Variants in DNAI4 observed in about 807,000 individuals in gnomAD.
DNAI4 encodes dynein axonemal intermediate chain 4, also known as WD repeat domain 78.
Under a neutral mutation model 105.8 loss-of-function variants are expected in DNAI4, and 85 were observed. That is an observed-to-expected ratio of 0.80 (90% confidence interval 0.67 to 0.96). The LOEUF is 0.96. Among genes scored for constraint, DNAI4 ranks in the 40% least tolerant of loss-of-function variants. DNAI4 has a pLI of 0.00. For missense variants in DNAI4, 1,014 were observed against 1,005.6 expected (o/e 1.01, Z -0.11); for synonymous variants, 352 against 331.5 (o/e 1.06, Z -0.67).
At chr1:66,845,217 T>TAAAAAAA (rs869249698) in intron 8 of DNAI4, among the ~76,000 whole-genome samples, 3 of 38,106 alleles carry the variant, frequency 7.9e-5, no homozygotes, top group East Asian at 5.7e-4. Context: ...AAAGAAAAAT[T>TAAAAAAA]AAAAAAAAAA....
chr1:66,866,416 T>A (rs1646735756), intron 6 of DNAI4, among the ~76,000 whole-genome samples: 1 of 152,192 alleles, frequency 6.6e-6, no homozygotes, highest in Non-Finnish European at 1.5e-5. Flanking sequence ...GATTGTATAA[T>A]GTTAGCAAGC....
intron 6 of DNAI4, among the ~76,000 whole-genome samples, chr1:66,866,987 A>T (rs894153550): frequency 6.6e-6 from 1 of 152,068 alleles, no homozygotes; most frequent in Non-Finnish European, 1.5e-5. Context: ...GCGAAGGGGG[A>T]AGCCCCTTAT....
chr1:66,916,083 TAAA>T (rs34693536), intron 1 of DNAI4, among the ~76,000 whole-genome samples: 2 of 117,494 alleles, frequency 1.7e-5, no homozygotes, highest in Admixed American at 8.8e-5. Flanking sequence ...AGACTCTGTC[TAAA>T]AAAAAAAAAA....
intron 5 of DNAI4, 126 bp downstream of exon 5, chr1:66,874,655 G>T: frequency 1.3e-6 from 1 of 771,898 alleles, no homozygotes; most frequent in Non-Finnish European, 2.0e-6. Flanking sequence ...GGAATATACA[G>T]TCTCCCCCCA....
rs1557909168 is a variant in DNAI4 at position 66,836,312 on chromosome 1, GAAAGAAAGAAA to G, written c.1582-546_1582-536del. 8.8e-3 allele frequency among the ~76,000 whole-genome samples: 1,290 copies of G among 147,032 alleles called. 7 individuals are homozygous for G. The highest frequency in any genetic ancestry group is 0.014 in the Middle Eastern group (4 of 292). ...AGAAAGAAAGAAAGAAAGAAAGAAA[GAAAGAAAGAAA>G]GAAGGAAAGAGGGAAGGAAGGGAGG... On this transcript the variant is annotated intron_variant, in intron 10 of 16. Transcript: ENST00000371026.
In DNAI4 at chr1:66,814,066, A is replaced by T; in HGVS notation, c.*64T>A. The T allele has an allele frequency of 7.4e-7, 1 of 1,356,262 alleles. No individual in the cohort carries two copies. Among genetic ancestry groups the T allele is most frequent in the South Asian group, 1.3e-5 (1 of 77,844 alleles). The allele number at this position is 1,356,262 out of a possible 1,614,324, so 84.0% of individuals were successfully genotyped here. ...CAAAATCTGGTGTACAGTATGTAAT[A>T]CAGAATATTGGATGTTAATTCCTTT... On this transcript the variant is annotated 3_prime_UTR_variant, in exon 17 of 17. Transcript: ENST00000371026.
At chr1:66,849,221 G>A (rs1646342783) in intron 7 of DNAI4, among the ~76,000 whole-genome samples, 1 of 152,204 alleles carries the variant, frequency 6.6e-6, no homozygotes, top group South Asian at 2.1e-4. Flanking sequence ...TTGTGTCAGT[G>A]TAGGCCACAT....
chr1:66,838,777 T>C (rs1479094365), intron 9 of DNAI4, among the ~76,000 whole-genome samples: 1 of 152,240 alleles, frequency 6.6e-6, no homozygotes, highest in Non-Finnish European at 1.5e-5. Context: ...TTATCTCTTC[T>C]AGACGCTGCA....
intron 16 of DNAI4, among the ~76,000 whole-genome samples, chr1:66,819,815 A>G (rs1645589384): frequency 1.3e-5 from 2 of 152,050 alleles, no homozygotes; most frequent in South Asian, 4.2e-4. Context: ...AAACCACTCA[A>G]TTCCCACTCC....
intron 4 of DNAI4, among the ~76,000 whole-genome samples, chr1:66,883,180 C>CTTTTTTTTTT (rs755412295): frequency 5.1e-4 from 47 of 92,994 alleles, no homozygotes; most frequent in South Asian, 7.1e-4. Flanking sequence ...GTTTTCTTTT[C>CTTTTTTTTTT]TTTTTTTTTT....
At chr1:66,874,713 C>T in intron 5 of DNAI4, 68 bp downstream of exon 5, 1 of 1,517,464 alleles carries the variant, frequency 6.6e-7, no homozygotes, top group Middle Eastern at 1.8e-4. Context: ...TTCACAGAAA[C>T]AAGGATAAGA....
intron 7 of DNAI4, among the ~76,000 whole-genome samples, chr1:66,853,119 A>T (rs1646430718): frequency 6.6e-6 from 1 of 152,166 alleles, no homozygotes; most frequent in African/African-American, 2.4e-5. Context: ...AACAGCAAAA[A>T]CGTATTACTC....
intron 4 of DNAI4, among the ~76,000 whole-genome samples, chr1:66,876,845 G>A (rs1287271174): frequency 3.9e-5 from 6 of 152,090 alleles, no homozygotes; most frequent in African/African-American, 1.2e-4. Context: ...GTTCTTCCCA[G>A]AGGAGGGAGC....
intron 2 of DNAI4, among the ~76,000 whole-genome samples, chr1:66,897,159 C>T (rs1336159960): frequency 6.6e-6 from 1 of 152,116 alleles, no homozygotes; most frequent in Non-Finnish European, 1.5e-5. Flanking sequence ...TTATTAGAAA[C>T]CGGAATAAAG....
rs185509385 is a variant in DNAI4, at chr1:66,832,718, C to A, written c.2013+867G>T. Among the ~76,000 whole-genome samples, 128 of 151,898 alleles carry A rather than the reference C, an allele frequency of 8.4e-4. 1 individual carries two copies. Among genetic ancestry groups the A allele is most frequent in the African/African-American group, 2.7e-3 (113 of 41,438 alleles). ...GATAAATGCTTGAAGGGATGGATAC[C>A]CCATATTCTATGATGTGATTATTAC... On this transcript the variant is annotated intron_variant, in intron 13 of 16. Transcript: ENST00000371026.
chr1:66,885,152 A>G (rs887092505), intron 4 of DNAI4, among the ~76,000 whole-genome samples: 3 of 152,224 alleles, frequency 2.0e-5, no homozygotes, highest in African/African-American at 7.2e-5. Context: ...ATTTCCAGCT[A>G]TCTTTCTGTT....
At chr1:66,912,682 G>A (rs1347485901) in intron 1 of DNAI4, among the ~76,000 whole-genome samples, 1 of 152,112 alleles carries the variant, frequency 6.6e-6, no homozygotes, top group Non-Finnish European at 1.5e-5. Flanking sequence ...ACTTCCTGAG[G>A]CTGAGTCACG....
chr1:66,884,422 T>C (rs1647148447), intron 4 of DNAI4, among the ~76,000 whole-genome samples: 1 of 152,214 alleles, frequency 6.6e-6, no homozygotes, highest in Non-Finnish European at 1.5e-5. Flanking sequence ...TATACTAATT[T>C]ATATTCCCAT....
chr1:66,900,312 G>A (rs1648702649), intron 2 of DNAI4, among the ~76,000 whole-genome samples: 1 of 152,062 alleles, frequency 6.6e-6, no homozygotes, highest in Non-Finnish European at 1.5e-5. Context: ...TGTTGTTCAG[G>A]GTGGTCTCGA....
Sources: allele counts gnomAD v4.1 joint callset (sites outside exome capture counted in the v4.1 genomes callset), GRCh38; gene constraint gnomAD v4.1.1; transcripts MANE v1.5; gene names NCBI Gene and HGNC (gene_info 2026-07-23, HGNC 2026-07-21).